PTPRD: variants seen among roughly 807,000 people sequenced by gnomAD.
PTPRD encodes the protein protein tyrosine phosphatase receptor type D, also known as receptor-type tyrosine-protein phosphatase delta.
PTPRD carries 34 observed loss-of-function variants against 214.5 expected under a neutral mutation model. The observed-to-expected ratio is 0.16, with a 90% CI of 0.12 to 0.21. The LOEUF (loss-of-function observed/expected upper bound fraction) is 0.21, where lower values mean the gene tolerates loss of function less well. Among genes scored for constraint, PTPRD ranks in the 10% least tolerant of loss-of-function variants. PTPRD has a pLI of 1.00. For synonymous variants in PTPRD, 1,128 were observed against 845.7 expected (o/e 1.33, Z -5.79); for missense variants, 2,545 against 2,398.7 (o/e 1.06, Z -1.27).
intron 5 of PTPRD, among the ~76,000 whole-genome samples, chr9:9,894,250 C>A (rs956566104): frequency 6.6e-6 from 1 of 151,982 alleles, no homozygotes; most frequent in African/African-American, 2.4e-5. Context: ...AATCTTTTCC[C>A]CACTCAGCCC....
intron 43 of PTPRD, among the ~76,000 whole-genome samples, chr9:8,334,058 A>C (rs1844185354): frequency 6.6e-6 from 1 of 152,176 alleles, no homozygotes; most frequent in Non-Finnish European, 1.5e-5. Context: ...AGATACCTAC[A>C]AAGAGACTTA....
At chr9:9,848,557 A>G (rs941369879) in intron 5 of PTPRD, among the ~76,000 whole-genome samples, 1 of 152,160 alleles carries the variant, frequency 6.6e-6, no homozygotes, top group Non-Finnish European at 1.5e-5. Context: ...CTTGTCCAAT[A>G]TGACAGCCTT....
chr9:8,930,117 C>A (rs556262186), intron 11 of PTPRD, among the ~76,000 whole-genome samples: 16 of 150,842 alleles, frequency 1.1e-4, no homozygotes, highest in Admixed American at 4.6e-4. Context: ...CACCCCCCCC[C>A]ACACCACAAC....
chr9:10,561,609 C>G (rs1403954160), intron 2 of PTPRD, among the ~76,000 whole-genome samples: 1 of 152,074 alleles, frequency 6.6e-6, no homozygotes, highest in Non-Finnish European at 1.5e-5. Flanking sequence ...ACCCAGGACT[C>G]CCAAATCTGT....
intron 4 of PTPRD, among the ~76,000 whole-genome samples, chr9:10,015,366 G>A (rs1209440399): frequency 2.0e-5 from 3 of 151,928 alleles, no homozygotes; most frequent in Admixed American, 1.3e-4. Context: ...ATGGCAGTAA[G>A]ACAAGATTAT....
intron 3 of PTPRD, among the ~76,000 whole-genome samples, chr9:10,338,312 A>C (rs1396420535): frequency 6.6e-6 from 1 of 151,528 alleles, no homozygotes; most frequent in Non-Finnish European, 1.5e-5. Context: ...CAAGCAGAGG[A>C]CTGATTCCTG....
At chr9:8,985,403 C>T (rs1179777786) in intron 11 of PTPRD, among the ~76,000 whole-genome samples, 9 of 151,990 alleles carry the variant, frequency 5.9e-5, no homozygotes, top group African/African-American at 1.9e-4. Flanking sequence ...TGAATAACCA[C>T]GACCAACATA....
At chr9:8,797,632 G>A (rs981403126) in intron 11 of PTPRD, among the ~76,000 whole-genome samples, 2 of 152,154 alleles carry the variant, frequency 1.3e-5, no homozygotes, top group Admixed American at 1.3e-4. Context: ...TATCACATCT[G>A]TGAAGCTCTA....
At chr9:10,407,005 C>G (rs1263759703) in intron 2 of PTPRD, among the ~76,000 whole-genome samples, 2 of 151,542 alleles carry the variant, frequency 1.3e-5, no homozygotes, top group African/African-American at 2.4e-5. Flanking sequence ...TTAATGTCAT[C>G]AGACCATAGA....
Position 9,006,001 on chromosome 9 carries a change from A to AT in PTPRD, c.-104+12695dup, listed in dbSNP as rs796273693. On this transcript the variant is annotated intron_variant, in intron 11 of 45. Coordinates refer to ENST00000381196, the MANE Select transcript of PTPRD (RefSeq NM_002839.4). ...TGGGGCTCCTGTCTGAATAGCCTGGATTTTTTTTTAAATTTTCTTATCATA... is the reference window on the plus strand; with the variant it reads ...TGGGGCTCCTGTCTGAATAGCCTGGATTTTTTTTTTAAATTTTCTTATCATA... 5.0e-4 allele frequency among the ~76,000 whole-genome samples: 76 copies of AT among 151,778 alleles called. 1 individual carries two copies. The highest frequency in any genetic ancestry group is 1.4e-3 in the East Asian group (7 of 5,154).
At chr9:9,772,000 G>A (rs928443505) in intron 5 of PTPRD, among the ~76,000 whole-genome samples, 8 of 152,086 alleles carry the variant, frequency 5.3e-5, no homozygotes, top group African/African-American at 1.4e-4. Context: ...ACATATTGGT[G>A]TTATGCGCTG....
intron 21 of PTPRD, 128 bp from the exon 22 acceptor site, chr9:8,507,562 T>C: frequency 9.0e-7 from 1 of 1,108,712 alleles, no homozygotes; most frequent in Non-Finnish European, 1.3e-6. Flanking sequence ...GAAAACAAGC[T>C]CCTTTACCTT....
intron 2 of PTPRD, among the ~76,000 whole-genome samples, chr9:10,567,166 G>C (rs2065888202): frequency 6.6e-6 from 1 of 151,942 alleles, no homozygotes; most frequent in Admixed American, 6.6e-5. Context: ...TAAGAACAGA[G>C]ATACACTAAG....
chr9:9,953,091 CAT>C (rs2093598902), intron 4 of PTPRD, among the ~76,000 whole-genome samples: 1 of 152,112 alleles, frequency 6.6e-6, no homozygotes, highest in African/African-American at 2.4e-5. Flanking sequence ...TGACCCACAT[CAT>C]ATGTCTATTA....
rs2099782989 is a variant in PTPRD at position 9,096,024 on chromosome 9, T to G, written c.-142-77289A>C. ...TCAGAAAGAAAATATTGCGTTATTC[T>G]ACCTATACATGGAACAAAAATAATG... is the stretch of plus-strand genomic sequence containing the variant. On this transcript the variant is annotated intron_variant, in intron 10 of 45. Transcript: ENST00000381196. Among the ~76,000 whole-genome samples, 4 of 152,178 alleles carry G rather than the reference T, an allele frequency of 2.6e-5. No homozygotes were observed. The East Asian group carries it at 5.8e-4, about 22-fold the overall frequency.
chr9:9,904,402 TG>T (rs988135160), intron 5 of PTPRD, among the ~76,000 whole-genome samples: 6 of 144,042 alleles, frequency 4.2e-5, no homozygotes, highest in Non-Finnish European at 7.6e-5. Context: ...CTTCTACAGT[TG>T]TTTTCAAATT....
chr9:9,778,044 T>A (rs1255741262), intron 5 of PTPRD, among the ~76,000 whole-genome samples: 1 of 152,178 alleles, frequency 6.6e-6, no homozygotes, highest in African/African-American at 2.4e-5. Context: ...GGAGACAAGA[T>A]GGCTGAAGAG....
rs182347675 is a variant in PTPRD, at chr9:9,611,003, T to C, written c.-286-36222A>G. On this transcript the variant is annotated intron_variant, in intron 7 of 45. Coordinates refer to ENST00000381196, the MANE Select transcript of PTPRD (RefSeq NM_002839.4). ...CTCAACACATTGATTGAATATGTAA[T>C]TTCAAAATTAGTCTTCTATTGTACC... Among the ~76,000 whole-genome samples the C allele has an allele frequency of 2.1e-3, 313 of 152,336 alleles. 1 individual carries two copies. In the Middle Eastern group the frequency reaches 0.044, roughly 22 times the overall value.
At chr9:10,100,069 A>C (rs1049227611) in intron 3 of PTPRD, among the ~76,000 whole-genome samples, 17 of 151,680 alleles carry the variant, frequency 1.1e-4, no homozygotes, top group African/African-American at 7.2e-5. Flanking sequence ...AATGAGTAAC[A>C]TTATTAACTG....
Sources: allele counts gnomAD v4.1 joint callset (sites outside exome capture counted in the v4.1 genomes callset), GRCh38; gene constraint gnomAD v4.1.1; transcripts MANE v1.5; gene names NCBI Gene and HGNC (gene_info 2026-07-23, HGNC 2026-07-21).